STARD3NL: variants seen among roughly 807,000 people sequenced by gnomAD.
The protein encoded by STARD3NL is STARD3 N-terminal-like protein.
A neutral mutation model predicts 30.9 loss-of-function variants in STARD3NL; 17 were observed. The observed-to-expected ratio is 0.55, with a 90% CI of 0.38 to 0.82. The LOEUF (loss-of-function observed/expected upper bound fraction) is 0.82, where lower values mean the gene tolerates loss of function less well. Among genes scored for constraint, STARD3NL ranks in the 40% least tolerant of loss-of-function variants. STARD3NL has a pLI of 0.00. For synonymous variants in STARD3NL, 112 were observed against 100.5 expected (o/e 1.11, Z -0.69); for missense variants, 234 against 277.6 (o/e 0.84, Z 1.12).
At chr7:38,193,282 TTTGTTGTTGTTGTTG>T (rs58332866) in intron 1 of STARD3NL, among the ~76,000 whole-genome samples, 3 of 150,404 alleles carry the variant, frequency 2.0e-5, no homozygotes, top group Non-Finnish European at 1.5e-5. Flanking sequence ...GGATTAGTTT[TTTGTTGTTGTTGTTG>T]TTGTTGTTGT....
At chr7:38,198,110 G>A (rs59465122) in intron 1 of STARD3NL, 1,871 of 152,358 alleles carry the variant, frequency 0.012, 34 homozygotes, top group African/African-American at 0.043. Flanking sequence ...TTCTTGATGT[G>A]TCTCCTACTT....
At chr7:38,222,719 G>A (rs959252426) in intron 7 of STARD3NL, among the ~76,000 whole-genome samples, 3 of 152,128 alleles carry the variant, frequency 2.0e-5, no homozygotes, top group Admixed American at 6.5e-5. Context: ...CTTGAGTCAG[G>A]AAGGTAAACA....
At chr7:38,221,022 A>T (rs1786432581) in intron 7 of STARD3NL, among the ~76,000 whole-genome samples, 1 of 152,228 alleles carries the variant, frequency 6.6e-6, no homozygotes, top group African/African-American at 2.4e-5. Context: ...TGAACACATT[A>T]TGCTAAGTGA....
chr7:38,221,477 T>A (rs1786459768), intron 7 of STARD3NL, among the ~76,000 whole-genome samples: 1 of 152,136 alleles, frequency 6.6e-6, no homozygotes, highest in African/African-American at 2.4e-5. Context: ...GTGCCTCCAC[T>A]CTGTGATGTA....
chr7:38,210,168 C>CA (rs1785717619), intron 2 of STARD3NL, among the ~76,000 whole-genome samples: 1 of 152,134 alleles, frequency 6.6e-6, no homozygotes, highest in African/African-American at 2.4e-5. Flanking sequence ...CATGTCTTTA[C>CA]ATTTACCAAA....
intron 1 of STARD3NL, among the ~76,000 whole-genome samples, chr7:38,193,849 C>T (rs1442833778): frequency 6.6e-6 from 1 of 152,072 alleles, no homozygotes; most frequent in Non-Finnish European, 1.5e-5. Flanking sequence ...TTAGTTTATA[C>T]TTTTGTCCTG....
rs2116111181 is a variant in STARD3NL, at chr7:38,198,579, A to C, written c.-58-8868A>C. ...AGGCCTTTCTAAATTAAATATTTTT[A>C]ATGTCTATTATTCCAACATTCTTTT... On this transcript the variant is annotated intron_variant, in intron 1 of 8. Transcript: ENST00000009041. 2.0e-5 allele frequency among the ~76,000 whole-genome samples: 3 copies of C among 152,364 alleles called. No homozygotes were observed. The South Asian group carries it at 6.2e-4, about 32-fold the overall frequency.
intron 1 of STARD3NL, among the ~76,000 whole-genome samples, chr7:38,192,459 G>A (rs4723734): frequency 0.43 from 64,931 of 151,994 alleles, 14,202 homozygotes; most frequent in East Asian, 0.5. Flanking sequence ...GGCTTATCAA[G>A]TGGGTCAGAA....
chr7:38,209,314 T>G (rs1785661589), intron 2 of STARD3NL, among the ~76,000 whole-genome samples: 1 of 152,042 alleles, frequency 6.6e-6, no homozygotes, highest in African/African-American at 2.4e-5. Context: ...GACAGAGTCT[T>G]GCTCTGTCAC....
intron 1 of STARD3NL, among the ~76,000 whole-genome samples, chr7:38,198,877 G>T (rs1476376764): frequency 6.6e-6 from 1 of 152,216 alleles, no homozygotes; most frequent in Non-Finnish European, 1.5e-5. Flanking sequence ...CCATCATGAG[G>T]TGCAGCCTAG....
intron 2 of STARD3NL, 73 bp downstream of exon 2, chr7:38,207,802 C>G (rs1785577718): frequency 3.6e-6 from 5 of 1,379,256 alleles, no homozygotes; most frequent in Middle Eastern, 1.9e-4. Flanking sequence ...GTTCGTTTCT[C>G]TTATCATTTG....
chr7:38,199,739 C>G (rs1455673519), intron 1 of STARD3NL, among the ~76,000 whole-genome samples: 3 of 152,174 alleles, frequency 2.0e-5, no homozygotes, highest in Admixed American at 6.5e-5. Flanking sequence ...TAGAAAGTGG[C>G]TGTAAGGAAT....
At chr7:38,223,786 T>G (rs181815150) in intron 7 of STARD3NL, among the ~76,000 whole-genome samples, 2 of 152,216 alleles carry the variant, frequency 1.3e-5, no homozygotes, top group African/African-American at 4.8e-5. Context: ...CTGAATTATA[T>G]TGACTTTTTA....
At chr7:38,181,469 ATTAT>A (rs1175773082) in intron 1 of STARD3NL, among the ~76,000 whole-genome samples, 6 of 152,310 alleles carry the variant, frequency 3.9e-5, no homozygotes, top group South Asian at 4.1e-4. Context: ...AAAAATGCCC[ATTAT>A]TTATTTCTAA....
chr7:38,186,251 G>C (rs1784451893), intron 1 of STARD3NL, among the ~76,000 whole-genome samples: 1 of 152,030 alleles, frequency 6.6e-6, no homozygotes, highest in East Asian at 1.9e-4. Context: ...AGTCAAAATT[G>C]GCAAAAATAA....
chr7:38,210,675 T>C (rs1253298500), intron 2 of STARD3NL, among the ~76,000 whole-genome samples: 1 of 152,154 alleles, frequency 6.6e-6, no homozygotes, highest in Non-Finnish European at 1.5e-5. Context: ...TGAGGACTCT[T>C]TTCCCTCTGC....
intron 1 of STARD3NL, among the ~76,000 whole-genome samples, chr7:38,186,392 AATC>A (rs1784459317): frequency 6.6e-6 from 1 of 152,336 alleles, no homozygotes; most frequent in Non-Finnish European, 1.5e-5. Flanking sequence ...ACAACTGAAA[AATC>A]AGCAGTATTT....
At chr7:38,204,708 G>T in intron 1 of STARD3NL, among the ~76,000 whole-genome samples, 1 of 151,716 alleles carries the variant, frequency 6.6e-6, no homozygotes. Flanking sequence ...CTGGTTTTTT[G>T]AAAAGATCAA....
intron 1 of STARD3NL, among the ~76,000 whole-genome samples, chr7:38,184,216 A>C (rs1455935867): frequency 6.6e-6 from 1 of 152,208 alleles, no homozygotes; most frequent in East Asian, 1.9e-4. Flanking sequence ...TAATAGGCTT[A>C]TTCTTGCTGT....
Sources: gnomAD v4.1 joint callset for allele counts (sites outside exome capture counted in the v4.1 genomes callset) on GRCh38, gnomAD v4.1.1 for gene constraint, MANE v1.5 for transcripts, NCBI Gene and HGNC (gene_info 2026-07-23, HGNC 2026-07-21) for gene names.